USP15: variants seen among roughly 807,000 people sequenced by gnomAD.
USP15 encodes ubiquitin carboxyl-terminal hydrolase 15.
In USP15, 18 loss-of-function variants were observed where a neutral mutation model predicts 127.1. The ratio of observed to expected loss-of-function variants is 0.14; its 90% CI spans 0.10 to 0.21. USP15 has a LOEUF of 0.21. Among genes scored for constraint, USP15 ranks in the 10% least tolerant of loss-of-function variants. USP15 has a pLI of 1.00. For synonymous variants in USP15, 364 were observed against 393.7 expected (o/e 0.92, Z 0.89); for missense variants, 805 against 1,159.9 (o/e 0.69, Z 4.44).
chr12:62,352,189 A>G (rs1447822400), intron 7 of USP15, among the ~76,000 whole-genome samples: 1 of 151,806 alleles, frequency 6.6e-6, no homozygotes, highest in Non-Finnish European at 1.5e-5. Context: ...TAAAATTTTT[A>G]TTTCCAGAAA....
chr12:62,395,629 C>A (rs1017389984), intron 19 of USP15, among the ~76,000 whole-genome samples: 2 of 151,706 alleles, frequency 1.3e-5, no homozygotes, highest in African/African-American at 4.8e-5. Flanking sequence ...CCATCCCCAC[C>A]TTACATCTCC....
chr12:62,387,392 A>T (rs1384554990), intron 11 of USP15, among the ~76,000 whole-genome samples: 1 of 152,202 alleles, frequency 6.6e-6, no homozygotes, highest in Non-Finnish European at 1.5e-5. Flanking sequence ...ATCAGGAGAC[A>T]CTGTTGCCTC....
At chr12:62,322,435 C>T (rs539221305) in intron 5 of USP15, among the ~76,000 whole-genome samples, 13 of 152,122 alleles carry the variant, frequency 8.5e-5, no homozygotes, top group East Asian at 1.9e-4. Flanking sequence ...CGTGCCCGGC[C>T]GGTATTTTTT....
chr12:62,343,702 T>C (rs2065721564), intron 6 of USP15, among the ~76,000 whole-genome samples: 1 of 152,126 alleles, frequency 6.6e-6, no homozygotes, highest in Non-Finnish European at 1.5e-5. Context: ...CCACCCTGCT[T>C]CTGCTCACTC....
At chr12:62,261,675 TAAG>T (rs754034681) in intron 1 of USP15, among the ~76,000 whole-genome samples, 27 of 152,204 alleles carry the variant, frequency 1.8e-4, no homozygotes, top group Non-Finnish European at 3.1e-4. Context: ...TTTAATATCT[TAAG>T]AATTTCATAT....
rs751688114 is a variant in USP15 at position 62,294,292 on chromosome 12, C to G, written c.203C>G (p.Ser68Cys). Residue 68 changes from serine (S) to cysteine (C), a missense_variant, in exon 2 of 22, where the codon TCT becomes TGT. Ser to Cys is a moderately radical substitution (Grantham distance 112, BLOSUM62 -1). Transcript: ENST00000280377. ...QNVYPGPIDN[S>C]GLLKDGDAQS... ...GTGTATCCTGGACCCATTGATAACT[C>G]TGGACTTCTCAAAGGTCATTATTTT... 3 of 1,609,902 alleles carry G rather than the reference C, an allele frequency of 1.9e-6. No homozygotes were observed. In the South Asian group the frequency reaches 3.3e-5, roughly 18 times the overall value.
At chr12:62,395,597 G>T (rs564891894) in intron 19 of USP15, among the ~76,000 whole-genome samples, 12 of 142,956 alleles carry the variant, frequency 8.4e-5, no homozygotes, top group Admixed American at 7.7e-4. Context: ...TTATTCATTC[G>T]TTTTTTTTTT....
At chr12:62,340,927 C>T (rs1283092395) in intron 6 of USP15, among the ~76,000 whole-genome samples, 2 of 152,126 alleles carry the variant, frequency 1.3e-5, no homozygotes, top group Non-Finnish European at 2.9e-5. Flanking sequence ...CCTGAATATC[C>T]TTGTTAATTT....
At chr12:62,392,937 A>G (rs2067370124) in intron 18 of USP15, 116 bp from the exon 19 acceptor site, 1 of 1,128,320 alleles carries the variant, frequency 8.9e-7, no homozygotes, top group African/African-American at 1.6e-5. Context: ...TATTAGGCAT[A>G]CTATAATTGC....
chr12:62,324,610 G>A (rs1330071684), intron 5 of USP15, among the ~76,000 whole-genome samples: 2 of 151,950 alleles, frequency 1.3e-5, no homozygotes, highest in Non-Finnish European at 2.9e-5. Flanking sequence ...AGTAGGTAGG[G>A]AGAGGAAGGT....
intron 3 of USP15, among the ~76,000 whole-genome samples, chr12:62,309,088 T>C (rs1292058049): frequency 1.3e-5 from 2 of 152,000 alleles, no homozygotes; most frequent in East Asian, 3.9e-4. Context: ...ATGTAGACAT[T>C]AACAAAATAG....
rs146222751 is a variant in USP15, at chr12:62,365,339, C to T, written c.915+9864C>T. Among the ~76,000 whole-genome samples, 470 of 152,282 alleles carry T rather than the reference C, an allele frequency of 3.1e-3. 4 individuals are homozygous for T. Among genetic ancestry groups the T allele is most frequent in the African/African-American group, 0.01 (427 of 41,548 alleles). On this transcript the variant is annotated intron_variant, in intron 8 of 21. Coordinates refer to ENST00000280377, the MANE Select transcript of USP15 (RefSeq NM_001252078.2). ...GAGCTTTTTTTCATATGTTTGTTGGCTGCATAAGTGTCTTCGAGTAGTGTC... is the reference window on the plus strand; with the variant it reads ...GAGCTTTTTTTCATATGTTTGTTGGTTGCATAAGTGTCTTCGAGTAGTGTC...
At chr12:62,289,215 C>CTTCTTG (rs1555206431) in intron 1 of USP15, among the ~76,000 whole-genome samples, 5 of 150,540 alleles carry the variant, frequency 3.3e-5, no homozygotes, top group Non-Finnish European at 5.9e-5. Flanking sequence ...CTCTCCTGAG[C>CTTCTTG]TTGTTGTTGT....
At chr12:62,352,758 T>G (rs993123496) in intron 7 of USP15, among the ~76,000 whole-genome samples, 1 of 151,984 alleles carries the variant, frequency 6.6e-6, no homozygotes, top group Non-Finnish European at 1.5e-5. Flanking sequence ...ATTATATATT[T>G]ATAAAGTCAG....
intron 8 of USP15, among the ~76,000 whole-genome samples, chr12:62,365,534 T>C (rs1164024720): frequency 2.6e-5 from 4 of 152,220 alleles, no homozygotes; most frequent in Non-Finnish European, 5.9e-5. Context: ...TTTCTTTTCC[T>C]GTGCAGAAGC....
chr12:62,321,894 C>T (rs1193439933), intron 5 of USP15, among the ~76,000 whole-genome samples: 3 of 152,138 alleles, frequency 2.0e-5, no homozygotes, highest in Non-Finnish European at 2.9e-5. Context: ...AAATAGTAAA[C>T]ATATATGGAG....
chr12:62,332,773 A>G (rs1388209065), intron 6 of USP15, among the ~76,000 whole-genome samples: 5 of 152,216 alleles, frequency 3.3e-5, no homozygotes, highest in Admixed American at 6.5e-5. Flanking sequence ...GCTCTTACTC[A>G]TACACTGTCC....
chr12:62,329,550 T>C (rs2065224822), intron 6 of USP15, among the ~76,000 whole-genome samples: 1 of 150,378 alleles, frequency 6.6e-6, no homozygotes, highest in Non-Finnish European at 1.5e-5. Context: ...TTTTAAAACC[T>C]AAAGGGAATA....
chr12:62,330,757 C>CA (rs201549202), intron 6 of USP15, among the ~76,000 whole-genome samples: 31,404 of 122,986 alleles, frequency 0.26, 3,954 homozygotes, highest in African/African-American at 0.39. Context: ...CCCGTCTCTA[C>CA]AAAAAAAAAA....
Sources: gnomAD v4.1 joint callset for allele counts (sites outside exome capture counted in the v4.1 genomes callset) on GRCh38, gnomAD v4.1.1 for gene constraint, MANE v1.5 for transcripts, NCBI Gene and HGNC (gene_info 2026-07-23, HGNC 2026-07-21) for gene names.